GALNT3: variants seen among roughly 807,000 people sequenced by gnomAD.
The protein encoded by GALNT3 is polypeptide N-acetylgalactosaminyltransferase 3.
GALNT3 carries 51 observed loss-of-function variants against 69.8 expected under a neutral mutation model. The ratio of observed to expected loss-of-function variants is 0.73; its 90% confidence interval spans 0.58 to 0.92. The LOEUF is 0.92. Among genes scored for constraint, GALNT3 ranks in the 40% least tolerant of loss-of-function variants. GALNT3 has a pLI of 0.00. For synonymous variants in GALNT3, 265 were observed against 248.5 expected, an observed-to-expected ratio of 1.07 and a Z score of -0.63; for missense variants, 711 against 760.0, an observed-to-expected ratio of 0.94 and a Z score of 0.76.
rs45498901 is a variant in GALNT3, at chr2:165,761,970, A to C, written c.773T>G (p.Ile258Ser). The change falls in exon 4 of 11, where the codon ATC (isoleucine) becomes AGC (serine). Residue 258 changes from isoleucine (I) to serine (S), a missense_variant. Physicochemically the swap from Ile to Ser is moderately radical, Grantham distance 142. Transcript: ENST00000392701. Reference sequence around the variant, plus strand: ...TGTTGCTCCTAGCAACCGAGCAGTGATCAGACCTTTTCTTTCTCTTTGTCT... The same window carrying C: ...TGTTGCTCCTAGCAACCGAGCAGTGCTCAGACCTTTTCTTTCTCTTTGTCT... ...IVRQRERKGL[I>S]TARLLGATVA... 221 of 1,613,824 alleles carry C rather than the reference A, an allele frequency of 1.4e-4. No homozygotes were observed. The highest frequency in any genetic ancestry group is 1.8e-4 in the Non-Finnish European group (210 of 1,179,766).
At chr2:165,779,473 CCTT>C (rs1375323963) in intron 1 of GALNT3, among the ~76,000 whole-genome samples, 14 of 152,166 alleles carry the variant, frequency 9.2e-5, no homozygotes, top group Admixed American at 8.5e-4. Flanking sequence ...GTCTAACTGT[CCTT>C]CTTTATAAGT....
intron 3 of GALNT3, among the ~76,000 whole-genome samples, chr2:165,764,285 A>G (rs970909844): frequency 1.3e-5 from 2 of 152,164 alleles, no homozygotes; most frequent in Admixed American, 6.5e-5. Context: ...ATTCATTTAT[A>G]TTATTTATTG....
chr2:165,787,550 A>G (rs1683250603), intron 1 of GALNT3, among the ~76,000 whole-genome samples: 1 of 152,238 alleles, frequency 6.6e-6, no homozygotes, highest in Admixed American at 6.5e-5. Flanking sequence ...CAGCGAGGCC[A>G]TGGCAAAAGT....
intron 2 of GALNT3, among the ~76,000 whole-genome samples, chr2:165,769,495 T>C (rs1448962034): frequency 6.6e-6 from 1 of 151,128 alleles, no homozygotes; most frequent in African/African-American, 2.4e-5. Context: ...GGCTCATGCC[T>C]GTACTCCCAG....
Position 165,780,646 on chromosome 2 carries a change from TTTGTTG to T in GALNT3, c.-108-9844_-108-9839del, listed in dbSNP as rs534952025. Reference sequence around the variant, plus strand: ...CTGCAAATCAGGTTTGAGGGGTTTTTTTGTTGTTGTTGTTGTTGTTGTTGTTGTTGT... The same window carrying T: ...CTGCAAATCAGGTTTGAGGGGTTTTTTTGTTGTTGTTGTTGTTGTTGTTGT... On this transcript the variant is annotated intron_variant, in intron 1 of 10. Transcript: ENST00000392701. Among the ~76,000 whole-genome samples, 75 of 101,766 alleles carry T rather than the reference TTTGTTG, an allele frequency of 7.4e-4. No individual in the cohort carries two copies. The East Asian group carries it at 0.018, about 24-fold the overall frequency. The allele number at this position is 101,766 out of a possible 152,430, so 66.8% of individuals were successfully genotyped here.
intron 9 of GALNT3, among the ~76,000 whole-genome samples, chr2:165,753,266 C>T (rs916200044): frequency 1.3e-4 from 20 of 152,304 alleles, no homozygotes; most frequent in Admixed American, 1.0e-3. Flanking sequence ...ATCCTCCACA[C>T]ACATCTTGGA....
intron 10 of GALNT3, among the ~76,000 whole-genome samples, chr2:165,749,222 A>T (rs1688312098): frequency 6.6e-6 from 1 of 152,150 alleles, no homozygotes; most frequent in Admixed American, 6.6e-5. Flanking sequence ...AGCCAGTGTT[A>T]ACGTTTTCTA....
intron 1 of GALNT3, among the ~76,000 whole-genome samples, chr2:165,789,144 C>T (rs1027923654): frequency 2.0e-5 from 3 of 152,166 alleles, no homozygotes; most frequent in Admixed American, 1.3e-4. Context: ...TAACAAAATA[C>T]CTTAGACTGG....
At chr2:165,787,807 A>G (rs1052091440) in intron 1 of GALNT3, among the ~76,000 whole-genome samples, 6 of 152,202 alleles carry the variant, frequency 3.9e-5, no homozygotes, top group African/African-American at 7.2e-5. Flanking sequence ...AATATACTCA[A>G]TTGTGGAATA....
In GALNT3 at chr2:165,760,296, GAGA is replaced by G. The variant is rs561730979; in HGVS notation, c.839-729_839-727del. Among the ~76,000 whole-genome samples, 59 of 152,270 alleles carry G rather than the reference GAGA, an allele frequency of 3.9e-4. 2 individuals are homozygous for G. Among genetic ancestry groups the G allele is most frequent in the Admixed American group, 2.8e-3 (43 of 15,294 alleles). On this transcript the variant is annotated intron_variant, in intron 4 of 10. Transcript: ENST00000392701. ...GTATAAATTCCGATTTTAGCAACTG[GAGA>G]AGAAGGACCATTCAAAGCTGCCCCA...
At chr2:165,751,355 A>C (rs1025734418) in intron 9 of GALNT3, among the ~76,000 whole-genome samples, 6 of 152,200 alleles carry the variant, frequency 3.9e-5, no homozygotes, top group Admixed American at 3.3e-4. Context: ...TGCTTAATTT[A>C]TCTCCGCCCA....
rs137853086 is a variant in GALNT3, at chr2:165,770,217, G to A, written c.484C>T (p.Arg162Ter). ...GGTCGAGTGTCTGGTCCAAGATCTC[G>A]GTGCAAAGAAATCCTGTCACTTGCG... is the stretch of plus-strand genomic sequence containing the variant. ...AFASDRISLH[R>*]DLGPDTRPPE... Residue 162 changes from arginine to a stop codon, truncating the protein, a stop_gained, in exon 2 of 11, where the codon CGA (arginine) becomes TGA (stop). Transcript: ENST00000392701. LOFTEE classifies it high-confidence loss of function. 86 of 1,614,038 alleles carry A rather than the reference G, an allele frequency of 5.3e-5. No homozygotes were observed. The African/African-American group carries it at 6.4e-4, about 12-fold the overall frequency.
intron 1 of GALNT3, among the ~76,000 whole-genome samples, chr2:165,782,776 G>A (rs935891400): frequency 6.6e-6 from 1 of 152,126 alleles, no homozygotes; most frequent in African/African-American, 2.4e-5. Context: ...CTGGTAAATG[G>A]CTACAGGTCC....
Position 165,747,932 on chromosome 2 carries a change from G to A in GALNT3, c.*849C>T, listed in dbSNP as rs912542463. 5.7e-6 allele frequency: 1 copy of A among 174,718 alleles called. No homozygotes were observed. The highest frequency in any genetic ancestry group is 1.2e-5 in the Non-Finnish European group (1 of 80,714). 10.8% of individuals were successfully genotyped at this position (174,718 alleles called of 1,614,324 possible). A position where few individuals can be genotyped will look rare whatever the true frequency, so the allele number is the denominator to read the frequency against. ...ATAATTGAATCAGTAACAAAATTTA[G>A]CTTTAAATGAGTCAAGTATTCTGCA... On this transcript the variant is annotated 3_prime_UTR_variant, in exon 11 of 11. Coordinates refer to ENST00000392701, the MANE Select transcript of GALNT3 (RefSeq NM_004482.4).
At chr2:165,763,248 A>G (rs1354047139) in intron 3 of GALNT3, among the ~76,000 whole-genome samples, 1 of 152,178 alleles carries the variant, frequency 6.6e-6, no homozygotes, top group Non-Finnish European at 1.5e-5. Context: ...AAATCAATAA[A>G]TGTCCTGGGG....
At chr2:165,755,201 T>TCATC in intron 7 of GALNT3, 138 bp from the exon 8 acceptor site, 1 of 809,274 alleles carries the variant, frequency 1.2e-6, no homozygotes, top group Non-Finnish European at 2.0e-6. Flanking sequence ...TCAACAGCCT[T>TCATC]CATCATTCAT....
chr2:165,750,566 T>G (rs966672816), intron 9 of GALNT3, among the ~76,000 whole-genome samples: 3 of 152,150 alleles, frequency 2.0e-5, no homozygotes, highest in Non-Finnish European at 4.4e-5. Context: ...ACTCAGACTC[T>G]CAGAATTTTT....
intron 4 of GALNT3, 98 bp from the exon 5 acceptor site, chr2:165,759,668 G>T: frequency 1.2e-6 from 1 of 853,524 alleles, no homozygotes; most frequent in Non-Finnish European, 1.9e-6. Flanking sequence ...GAATAACAGA[G>T]TCAATTTGTG....
intron 7 of GALNT3, among the ~76,000 whole-genome samples, chr2:165,756,712 G>C (rs532909852): frequency 6.6e-6 from 1 of 151,542 alleles, no homozygotes; most frequent in South Asian, 2.1e-4. Flanking sequence ...AGTGCAAAAA[G>C]TCACTTAGAA....
Sources: gnomAD v4.1 joint callset for allele counts (sites outside exome capture counted in the v4.1 genomes callset) on GRCh38, gnomAD v4.1.1 for gene constraint, MANE v1.5 for transcripts, NCBI Gene and HGNC (gene_info 2026-07-23, HGNC 2026-07-21) for gene names.